FIBP: variants seen among roughly 807,000 people sequenced by gnomAD.
FIBP encodes acidic fibroblast growth factor intracellular-binding protein.
A neutral mutation model predicts 40.5 loss-of-function variants in FIBP; 29 were observed. The observed-to-expected ratio is 0.72, with a 90% CI of 0.53 to 0.98. The LOEUF (loss-of-function observed/expected upper bound fraction) is 0.98. Ranked by LOEUF, FIBP falls within the 50% of genes least tolerant of loss-of-function variation. The pLI, the probability that FIBP is intolerant of heterozygous loss-of-function variation, is 0.00. For missense variants in FIBP, 411 were observed against 470.2 expected, an observed-to-expected ratio of 0.87 and a Z score of 1.16; for synonymous variants, 215 against 191.1, an observed-to-expected ratio of 1.13 and a Z score of -1.03.
intron 5 of FIBP, 140 bp from the exon 6 acceptor site, chr11:65,885,326 C>G (rs1860207354): frequency 1.1e-6 from 1 of 918,882 alleles, no homozygotes; most frequent in African/African-American, 1.6e-5. Flanking sequence ...GTGACATGCC[C>G]CAGGCCACAG....
At chr11:65,887,860 G>T in intron 2 of FIBP, 74 bp downstream of exon 2, 1 of 1,585,572 alleles carries the variant, frequency 6.3e-7, no homozygotes, top group Non-Finnish European at 8.6e-7. Flanking sequence ...ATCCCTCCCT[G>T]GGCCTGTTTC....
At chr11:65,888,173 G>A (rs566724173) in intron 1 of FIBP, 41 bp from the exon 2 acceptor site, 2 of 1,527,276 alleles carry the variant, frequency 1.3e-6, no homozygotes, top group African/African-American at 2.7e-5. Flanking sequence ...CCCCGCCGAC[G>A]CCAGAGGCCC....
intron 7 of FIBP, 126 bp downstream of exon 7, chr11:65,884,809 C>T (rs1860188170): frequency 5.2e-6 from 7 of 1,340,524 alleles, no homozygotes; most frequent in African/African-American, 4.3e-5. Context: ...CTCCCGTCAG[C>T]GGCCACCAGA....
chr11:65,887,446 GAAA>G (rs35947009), intron 3 of FIBP, 151 bp downstream of exon 3: 2,239 of 630,676 alleles, frequency 3.6e-3, no homozygotes, highest in Middle Eastern at 4.1e-3. Flanking sequence ...ACTCCATCTC[GAAA>G]AAAAAAAAAA....
intron 3 of FIBP, chr11:65,887,166 G>A (rs1399132747): frequency 5.9e-6 from 2 of 336,264 alleles, no homozygotes; most frequent in Non-Finnish European, 1.2e-5. Flanking sequence ...ACAACAGGGA[G>A]CCAGGCACGG....
chr11:65,884,522 T>C, intron 8 of FIBP, 33 bp from the exon 9 acceptor site: 2 of 1,614,046 alleles, frequency 1.2e-6, no homozygotes, highest in Non-Finnish European at 8.5e-7. Context: ...AGCACTTGTA[T>C]AGGCCAGGGA....
rs200077741 is a variant in FIBP, at chr11:65,887,581, G to C, written c.411+19C>G. ...GAAGTGTAGATGGGATGCTGTGTCC[G>C]TGTGGATGCAGTGCATACCTGTCTC... is the stretch of plus-strand genomic sequence containing the variant. On this transcript the variant is annotated intron_variant, in intron 3 of 9. Transcript: ENST00000357519. The C allele has an allele frequency of 1.0e-4, 169 of 1,613,430 alleles. 1 individual carries two copies. In the African/African-American group the frequency reaches 1.6e-3, roughly 15 times the overall value.
rs200002664 is a variant in FIBP, at chr11:65,884,003, C to A, written c.1045G>T (p.Gly349Cys). Residue 349 changes from glycine to cysteine, a missense_variant, in exon 10 of 10, where the codon GGC (glycine) becomes TGC (cysteine). By Grantham distance (159) the Gly-to-Cys change is radical (BLOSUM62 -3). Transcript: ENST00000357519. ...TCATGATACAGGCGCAGGAGGCAGCCGCGGAGGGTGCCCATGTAGCGGTCC... is the reference window on the plus strand; with the variant it reads ...TCATGATACAGGCGCAGGAGGCAGCAGCGGAGGGTGCCCATGTAGCGGTCC... ...LWDRYMGTLRGCLLRLYHD is the reference protein window; with the variant it reads ...LWDRYMGTLRCCLLRLYHD 3 of 1,613,962 alleles carry A rather than the reference C, an allele frequency of 1.9e-6. No individual in the cohort carries two copies. The highest frequency in any genetic ancestry group is 2.5e-6 in the Non-Finnish European group (3 of 1,179,982).
At position 65,885,523 on chromosome 11, in the gene FIBP, G is replaced by A. The variant is rs1180924081; in HGVS notation, c.646+7C>T. 4.3e-6 allele frequency: 7 copies of A among 1,612,530 alleles called. No individual in the cohort carries two copies. The highest frequency in any genetic ancestry group is 5.1e-6 in the Non-Finnish European group (6 of 1,179,044). Reference sequence around the variant, plus strand: ...CGTCCAGGCACCTGGGTCAGTGGGGGCCTCACCGACGGCTCCAAGGGTCCA... The same window carrying A: ...CGTCCAGGCACCTGGGTCAGTGGGGACCTCACCGACGGCTCCAAGGGTCCA... On this transcript the variant is annotated splice_region_variant and intron_variant, in intron 5 of 9. Transcript: ENST00000357519.
At chr11:65,887,340 A>C in intron 3 of FIBP, 1 of 489,232 alleles carries the variant, frequency 2.0e-6, no homozygotes, top group Non-Finnish European at 3.7e-6. Context: ...CAGCTACTGC[A>C]GAGGCTGAGG....
chr11:65,888,231 G>A (rs933953716), intron 1 of FIBP, 99 bp from the exon 2 acceptor site: 85 of 1,464,040 alleles, frequency 5.8e-5, no homozygotes, highest in Admixed American at 1.2e-4. Context: ...ATTCCCAGGC[G>A]CTCGCCCACT....
In FIBP at chr11:65,884,452, C is replaced by A. The variant is rs1348223037; in HGVS notation, c.944G>T (p.Ser315Ile). 1.2e-6 allele frequency: 2 copies of A among 1,614,180 alleles called. No individual in the cohort carries two copies. The highest frequency in any genetic ancestry group is 4.5e-5 in the East Asian group (2 of 44,888). ...EPCRSDHWPLSDVRFFLNQYS... is the reference protein window; with the variant it reads ...EPCRSDHWPLIDVRFFLNQYS... Reference sequence around the variant, plus strand: ...CTGATTCAGGAAGAACCGCACGTCGCTGAGTGGCCAGTGGTCGGAGCGGCA... The same window carrying A: ...CTGATTCAGGAAGAACCGCACGTCGATGAGTGGCCAGTGGTCGGAGCGGCA... Residue 315 changes from serine (S) to isoleucine (I), a missense_variant, in exon 9 of 10, where the codon AGC becomes ATC. By Grantham distance (142) the Ser-to-Ile change is moderately radical. Transcript: ENST00000357519.
At position 65,887,251 on chromosome 11, in the gene FIBP, G is replaced by A. The variant is rs1591078683; in HGVS notation, c.411+349C>T. The A allele has an allele frequency of 8.3e-6, 3 of 362,498 alleles. No individual in the cohort carries two copies. In the Admixed American group the frequency reaches 1.1e-4, roughly 14 times the overall value. The allele number at this position is 362,498 out of a possible 1,614,324, so 22.5% of individuals were successfully genotyped here. ...ACTTGAGGCCAGGAGTTCAAGACAA[G>A]CCTGGCCAACATGGTGAAACCCTGT... On this transcript the variant is annotated intron_variant, in intron 3 of 9. Coordinates refer to ENST00000357519, the MANE Select transcript of FIBP (RefSeq NM_004214.5).
At position 65,884,051 on chromosome 11, in the gene FIBP, A is replaced by G. The variant is rs1450481661; in HGVS notation, c.1005-8T>C. On this transcript the variant is annotated splice_region_variant and splice_polypyrimidine_tract_variant and intron_variant, in intron 9 of 9. Transcript: ENST00000357519. ...TCCCAGAGGGCCTGGTGTCTGTAAG[A>G]ACATGAACAGTGACAGCTGAGTTTT... The G allele has an allele frequency of 1.9e-6, 3 of 1,612,258 alleles. No individual in the cohort carries two copies. Among genetic ancestry groups the G allele is most frequent in the Non-Finnish European group, 2.5e-6 (3 of 1,178,862 alleles).
chr11:65,887,850 A>T, intron 2 of FIBP, 84 bp downstream of exon 2: 4 of 1,589,936 alleles, frequency 2.5e-6, no homozygotes, highest in Non-Finnish European at 3.4e-6. Flanking sequence ...GGTAAATCCC[A>T]TCCCTCCCTG....
intron 3 of FIBP, chr11:65,886,920 C>A: frequency 5.8e-6 from 1 of 172,702 alleles, no homozygotes; most frequent in Non-Finnish European, 1.3e-5. Context: ...TTGCCAAGAA[C>A]AGTACCCTCC....
intron 5 of FIBP, 164 bp downstream of exon 5, chr11:65,885,366 A>G: frequency 2.1e-6 from 2 of 951,522 alleles, no homozygotes; most frequent in Admixed American, 2.1e-5. Context: ...TCTGCAGACA[A>G]GGTGTGTGTG....
chr11:65,885,560 T>G lies in FIBP; in HGVS notation c.616A>C (p.Met206Leu), dbSNP rs746380407. 1 of 1,614,172 alleles carries G rather than the reference T, an allele frequency of 6.2e-7. No homozygotes were observed. Among genetic ancestry groups the G allele is most frequent in the Non-Finnish European group, 8.5e-7 (1 of 1,180,014 alleles). Residue 206 changes from methionine (M) to leucine (L), a missense_variant, in exon 5 of 10, where the codon ATG becomes CTG. Physicochemically the swap from Met to Leu is conservative, Grantham distance 15 (BLOSUM62 2). Coordinates refer to ENST00000357519, the MANE Select transcript of FIBP (RefSeq NM_004214.5). ...FGDFAFCAEL[M>L]IQNWTLGAVD... ...GCTCCAAGGGTCCAGTTTTGGATCA[T>G]GAGCTCAGCGCAGAAGGCAAAGTCA...
At chr11:65,884,748 C>A in intron 7 of FIBP, 92 bp from the exon 8 acceptor site, 1 of 1,386,266 alleles carries the variant, frequency 7.2e-7, no homozygotes. Context: ...GGCCCCTCCC[C>A]AGATCCATCC....
Sources: allele counts gnomAD v4.1 joint callset, GRCh38; gene constraint gnomAD v4.1.1; transcripts MANE v1.5; gene names NCBI Gene and HGNC (gene_info 2026-07-23, HGNC 2026-07-21).